Variants in RANBP17 observed in about 807,000 individuals in gnomAD.
RANBP17 encodes the protein RAN binding protein 17.
In RANBP17, 158 loss-of-function variants were observed where a neutral mutation model predicts 141.2. The observed-to-expected ratio is 1.12, with a 90% CI of 0.98 to 1.28. RANBP17 has a LOEUF of 1.28. Ranked by LOEUF, RANBP17 falls within the 50% of genes most tolerant of loss-of-function variation. The pLI is 0.00. For missense variants in RANBP17, 1,438 were observed against 1,290.7 expected, an observed-to-expected ratio of 1.11 and a Z score of -1.75; for synonymous variants, 430 against 450.0, an observed-to-expected ratio of 0.96 and a Z score of 0.56.
At chr5:171,008,277 C>G (rs748095058) in intron 14 of RANBP17, among the ~76,000 whole-genome samples, 1 of 152,140 alleles carries the variant, frequency 6.6e-6, no homozygotes, top group Non-Finnish European at 1.5e-5. Flanking sequence ...ACCGCTTACT[C>G]GAAATTGGTG....
intron 14 of RANBP17, among the ~76,000 whole-genome samples, chr5:171,063,834 C>T (rs1784097970): frequency 6.6e-6 from 1 of 152,242 alleles, no homozygotes; most frequent in South Asian, 2.1e-4. Flanking sequence ...AGCTTCCCGG[C>T]TGCTTTGTTT....
At chr5:170,950,886 G>A (rs1035827561) in intron 12 of RANBP17, among the ~76,000 whole-genome samples, 8 of 152,024 alleles carry the variant, frequency 5.3e-5, no homozygotes, top group East Asian at 1.9e-4. Context: ...GTAGAATACC[G>A]TTAGGCCATA....
intron 14 of RANBP17, among the ~76,000 whole-genome samples, chr5:170,990,782 A>G (rs1310476965): frequency 1.3e-5 from 2 of 152,060 alleles, no homozygotes; most frequent in Non-Finnish European, 2.9e-5. Flanking sequence ...TATAAAGTAG[A>G]TCAACATAGC....
chr5:171,043,724 G>A (rs1382060489), intron 14 of RANBP17, among the ~76,000 whole-genome samples: 2 of 152,092 alleles, frequency 1.3e-5, no homozygotes, highest in African/African-American at 4.8e-5. Flanking sequence ...AGTTGGACTA[G>A]GGTAAGCAGA....
chr5:171,128,550 A>G (rs1756666873), intron 14 of RANBP17, among the ~76,000 whole-genome samples: 1 of 152,188 alleles, frequency 6.6e-6, no homozygotes, highest in South Asian at 2.1e-4. Context: ...GTTAATGGGT[A>G]CAAACTTAGT....
At chr5:170,873,798 G>A (rs1210851982) in intron 1 of RANBP17, among the ~76,000 whole-genome samples, 2 of 152,004 alleles carry the variant, frequency 1.3e-5, no homozygotes, top group African/African-American at 4.8e-5. Context: ...ACCAGCTCCT[G>A]GATTTATTGA....
At chr5:171,215,831 A>G (rs1458109561) in intron 21 of RANBP17, among the ~76,000 whole-genome samples, 3 of 152,142 alleles carry the variant, frequency 2.0e-5, no homozygotes, top group African/African-American at 7.2e-5. Context: ...GTAGCTTGCA[A>G]AAATTTTCTC....
At position 171,056,325 on chromosome 5, in the gene RANBP17, T is replaced by C. The variant is rs375031216; in HGVS notation, c.1710+87948T>C. Reference sequence around the variant, plus strand: ...CTGTCAAAGTTCTATAGCTGACTTATAAACCACCTTTTAAAGAGGATCAAA... The same window carrying C: ...CTGTCAAAGTTCTATAGCTGACTTACAAACCACCTTTTAAAGAGGATCAAA... On this transcript the variant is annotated intron_variant, in intron 14 of 27. Transcript: ENST00000523189. Among the ~76,000 whole-genome samples, 7 of 152,262 alleles carry C rather than the reference T, an allele frequency of 4.6e-5. No homozygotes were observed. In the East Asian group the frequency reaches 5.8e-4, roughly 13 times the overall value.
intron 14 of RANBP17, among the ~76,000 whole-genome samples, chr5:170,998,244 ATTG>A (rs1446003215): frequency 2.6e-5 from 4 of 152,216 alleles, no homozygotes; most frequent in Non-Finnish European, 4.4e-5. Context: ...GGAATATTTT[ATTG>A]TTATGTGTGT....
intron 14 of RANBP17, among the ~76,000 whole-genome samples, chr5:171,004,386 G>A (rs1452703674): frequency 6.6e-6 from 1 of 152,098 alleles, no homozygotes; most frequent in Non-Finnish European, 1.5e-5. Context: ...CTGGGCAGGT[G>A]GGGATAAAAA....
chr5:171,157,918 G>C (rs1010695437), intron 14 of RANBP17, among the ~76,000 whole-genome samples: 2 of 152,184 alleles, frequency 1.3e-5, no homozygotes, highest in African/African-American at 2.4e-5. Flanking sequence ...CCTGCCTAGC[G>C]TATCTGGTCT....
Position 171,265,775 on chromosome 5 carries a change from A to T in RANBP17, c.2871A>T (p.Arg957=). The change falls in exon 25 of 28, where the codon CGA becomes CGT. Residue 957 remains arginine (R), a synonymous_variant. Coordinates refer to ENST00000523189, the MANE Select transcript of RANBP17 (RefSeq NM_022897.5). Reference sequence around the variant, plus strand: ...CAAAAGAGGGCAAGAAGCCACTTCGATGCAGAGAGGCTACCCAGGCTGGTC... The same window carrying T: ...CAAAAGAGGGCAAGAAGCCACTTCGTTGCAGAGAGGCTACCCAGGCTGGTC... ...HIAKEGKKPL[R]CREATQAGQR... 1 of 1,614,160 alleles carries T rather than the reference A, an allele frequency of 6.2e-7. No individual in the cohort carries two copies. The highest frequency in any genetic ancestry group is 8.5e-7 in the Non-Finnish European group (1 of 1,179,992).
chr5:171,213,676 G>C lies in RANBP17; in HGVS notation c.2277G>C (p.Trp759Cys). 1 of 1,613,806 alleles carries C rather than the reference G, an allele frequency of 6.2e-7. No homozygotes were observed. The highest frequency in any genetic ancestry group is 8.5e-7 in the Non-Finnish European group (1 of 1,179,788). Residue 759 changes from tryptophan (W) to cysteine (C), a missense_variant, in exon 21 of 28, where the codon TGG becomes TGC. By Grantham distance (215) the Trp-to-Cys change is radical (BLOSUM62 -2). Coordinates refer to ENST00000523189, the MANE Select transcript of RANBP17 (RefSeq NM_022897.5). ...TTCTTCAGAATGCTGTTGAACGGTGGTATGGAGAGCCAACATGTACAACTC... is the reference window on the plus strand; with the variant it reads ...TTCTTCAGAATGCTGTTGAACGGTGCTATGGAGAGCCAACATGTACAACTC... ...LPLLQNAVERWYGEPTCTTPI... is the reference protein window; with the variant it reads ...LPLLQNAVERCYGEPTCTTPI...
At chr5:170,916,742 G>A (rs539051990) in intron 9 of RANBP17, among the ~76,000 whole-genome samples, 158 bp downstream of exon 9, 7 of 140,740 alleles carry the variant, frequency 5.0e-5, no homozygotes, top group Admixed American at 3.7e-4. Context: ...TTGAGATCAA[G>A]TCTTGCTCTG....
intron 18 of RANBP17, among the ~76,000 whole-genome samples, chr5:171,187,046 A>T (rs944254673): frequency 7.2e-5 from 11 of 152,148 alleles, no homozygotes; most frequent in Non-Finnish European, 1.5e-4. Context: ...AAAGTGAGAG[A>T]CGTGTAACTC....
At chr5:171,044,373 A>C (rs1409396801) in intron 14 of RANBP17, among the ~76,000 whole-genome samples, 1 of 152,014 alleles carries the variant, frequency 6.6e-6, no homozygotes. Context: ...ATATTAAAGA[A>C]TAAGGAAGAA....
chr5:171,205,935 A>T (rs1353771607), intron 20 of RANBP17: 19 of 400,074 alleles, frequency 4.7e-5, no homozygotes, highest in Non-Finnish European at 8.6e-5. Context: ...CTACCATTTG[A>T]CATTTTTGAG....
chr5:171,150,511 G>T (rs557419119), intron 14 of RANBP17, among the ~76,000 whole-genome samples: 1 of 151,314 alleles, frequency 6.6e-6, no homozygotes, highest in African/African-American at 2.4e-5. Flanking sequence ...ATATGCAAGT[G>T]ATATTCTCAA....
intron 24 of RANBP17, chr5:171,252,984 T>C: frequency 7.4e-7 from 1 of 1,355,516 alleles, no homozygotes; most frequent in Non-Finnish European, 1.1e-6. Flanking sequence ...AGTCTCGGGA[T>C]TGAGGGGGAA....
Sources: gnomAD v4.1 joint callset for allele counts (sites outside exome capture counted in the v4.1 genomes callset) on GRCh38, gnomAD v4.1.1 for gene constraint, MANE v1.5 for transcripts, NCBI Gene and HGNC (gene_info 2026-07-23, HGNC 2026-07-21) for gene names.